CXCL13: variants seen among roughly 807,000 people sequenced by gnomAD.
CXCL13 encodes the protein C-X-C motif chemokine ligand 13.
CXCL13 carries 7 observed loss-of-function variants against 12.2 expected under a neutral mutation model. The observed-to-expected ratio is 0.57, with a 90% CI of 0.33 to 1.07. The LOEUF is 1.07. Ranked by LOEUF, CXCL13 falls within the 50% of genes least tolerant of loss-of-function variation. The pLI, the probability that CXCL13 is intolerant of heterozygous loss-of-function variation, is 0.04. For missense variants in CXCL13, 113 were observed against 127.4 expected, an observed-to-expected ratio of 0.89 and a Z score of 0.55; for synonymous variants, 47 against 42.4, an observed-to-expected ratio of 1.11 and a Z score of -0.42.
At chr4:77,523,388 C>T (rs1724667416) in intron 1 of CXCL13, among the ~76,000 whole-genome samples, 1 of 152,174 alleles carries the variant, frequency 6.6e-6, no homozygotes, top group Non-Finnish European at 1.5e-5. Flanking sequence ...TCGCATATTT[C>T]TTGGAGGCTT....
chr4:77,607,857 A>T, intron 2 of CXCL13, 22 bp downstream of exon 2: 1 of 1,611,078 alleles, frequency 6.2e-7, no homozygotes, highest in Non-Finnish European at 8.5e-7. Context: ...GAGAAAAATA[A>T]ATAAGATTTC....
intron 1 of CXCL13, among the ~76,000 whole-genome samples, chr4:77,534,926 G>A (rs1348958074): frequency 6.6e-6 from 1 of 152,192 alleles, no homozygotes; most frequent in East Asian, 1.9e-4. Context: ...GGAAACAGCA[G>A]TAACTACCTT....
At chr4:77,571,731 G>T (rs1484481331) in intron 1 of CXCL13, among the ~76,000 whole-genome samples, 1 of 151,804 alleles carries the variant, frequency 6.6e-6, no homozygotes, top group Non-Finnish European at 1.5e-5. Context: ...GGAGCCAGCA[G>T]TGGCAACCCG....
intron 1 of CXCL13, among the ~76,000 whole-genome samples, chr4:77,557,360 C>T (rs1353419641): frequency 3.3e-5 from 5 of 152,118 alleles, no homozygotes; most frequent in Non-Finnish European, 7.4e-5. Flanking sequence ...CTGCAGGGGG[C>T]CTGGAACCTG....
intron 1 of CXCL13, among the ~76,000 whole-genome samples, chr4:77,572,739 T>C (rs1286043777): frequency 6.6e-6 from 1 of 151,938 alleles, no homozygotes; most frequent in Non-Finnish European, 1.5e-5. Flanking sequence ...ACTATGTGTA[T>C]ACCAAAGGGA....
intron 1 of CXCL13, among the ~76,000 whole-genome samples, chr4:77,591,873 A>G (rs1329834390): frequency 6.6e-6 from 1 of 152,238 alleles, no homozygotes; most frequent in East Asian, 1.9e-4. Context: ...CAGGACATCT[A>G]GATTTGAGAA....
chr4:77,588,623 C>T (rs564906566), intron 1 of CXCL13, among the ~76,000 whole-genome samples: 3 of 152,322 alleles, frequency 2.0e-5, no homozygotes, highest in East Asian at 1.9e-4. Context: ...TCCACAACTA[C>T]CTACCTAGCT....
chr4:77,582,082 AT>A (rs1421033526), intron 1 of CXCL13, among the ~76,000 whole-genome samples: 5 of 152,162 alleles, frequency 3.3e-5, no homozygotes, highest in Non-Finnish European at 4.4e-5. Context: ...AAAAAACATC[AT>A]TCTATTCTCC....
chr4:77,568,551 A>G (rs1299280629), intron 1 of CXCL13, among the ~76,000 whole-genome samples: 2 of 152,176 alleles, frequency 1.3e-5, no homozygotes, highest in Admixed American at 1.3e-4. Flanking sequence ...CTTTCTTGTG[A>G]GAGGTCCCCC....
In CXCL13 at chr4:77,533,317, TG is replaced by T. The variant is rs2109796161; in HGVS notation, c.-43+21532del. ...AGGTCTACGCCAGACCCTGTTTGCC[TG>T]GGTATCAGCAGCAGAGGCTGCACAA... On this transcript the variant is annotated intron_variant, in intron 1 of 4. Transcript: ENST00000286758. Among the ~76,000 whole-genome samples, 5 of 152,320 alleles carry T rather than the reference TG, an allele frequency of 3.3e-5. No homozygotes were observed. The South Asian group carries it at 1.0e-3, about 32-fold the overall frequency.
chr4:77,594,516 G>T (rs1329724090), intron 1 of CXCL13, among the ~76,000 whole-genome samples: 1 of 151,890 alleles, frequency 6.6e-6, no homozygotes, highest in Non-Finnish European at 1.5e-5. Flanking sequence ...CATCAACATA[G>T]CTCAAAAGCT....
chr4:77,531,880 T>C (rs912739179), intron 1 of CXCL13, among the ~76,000 whole-genome samples: 7 of 152,224 alleles, frequency 4.6e-5, no homozygotes, highest in African/African-American at 1.7e-4. Flanking sequence ...CCTGCCTTTT[T>C]TGTTTTCCAT....
intron 1 of CXCL13, among the ~76,000 whole-genome samples, chr4:77,519,698 T>A (rs1002930992): frequency 3.9e-5 from 6 of 152,370 alleles, no homozygotes; most frequent in Middle Eastern, 3.4e-3. Context: ...TCTTTTGCTG[T>A]GCAGAAGATC....
chr4:77,557,237 A>G (rs1725681243), intron 1 of CXCL13, among the ~76,000 whole-genome samples: 1 of 152,204 alleles, frequency 6.6e-6, no homozygotes, highest in Admixed American at 6.5e-5. Context: ...ACGATGTTTC[A>G]GGTCTCTAAG....
chr4:77,572,151 AG>A (rs1726101654), intron 1 of CXCL13, among the ~76,000 whole-genome samples: 1 of 151,970 alleles, frequency 6.6e-6, no homozygotes, highest in Admixed American at 6.5e-5. Flanking sequence ...CGGACACACC[AG>A]CACTTTGGGA....
At chr4:77,577,696 C>G (rs1017353486) in intron 1 of CXCL13, among the ~76,000 whole-genome samples, 34 of 152,098 alleles carry the variant, frequency 2.2e-4, no homozygotes, top group Admixed American at 2.6e-4. Context: ...GTAGCAAGCA[C>G]CCTGTAATGG....
intron 1 of CXCL13, among the ~76,000 whole-genome samples, chr4:77,578,952 C>T (rs773371297): frequency 3.3e-5 from 5 of 152,204 alleles, no homozygotes; most frequent in Non-Finnish European, 5.9e-5. Context: ...GCAGAAGTGT[C>T]GCATAGCAGT....
chr4:77,532,028 A>G (rs1266174472), intron 1 of CXCL13, among the ~76,000 whole-genome samples: 2 of 152,078 alleles, frequency 1.3e-5, no homozygotes, highest in African/African-American at 4.8e-5. Flanking sequence ...TTTTAATTGG[A>G]GCATTTAGCC....
In CXCL13 at chr4:77,518,485, T is replaced by C. The variant is rs545856744; in HGVS notation, c.-43+6697T>C. ...ATAGTCCCATATTTCTTGGAGGCTT[T>C]GTTCATTTCTTTTTATTCTTTTTTC... On this transcript the variant is annotated intron_variant, in intron 1 of 4. Transcript: ENST00000286758. 9.8e-5 allele frequency among the ~76,000 whole-genome samples: 15 copies of C among 152,310 alleles called. No homozygotes were observed. In the South Asian group the frequency reaches 3.1e-3, roughly 32 times the overall value.
Sources: allele counts gnomAD v4.1 joint callset (sites outside exome capture counted in the v4.1 genomes callset), GRCh38; gene constraint gnomAD v4.1.1; transcripts MANE v1.5; gene names NCBI Gene and HGNC (gene_info 2026-07-23, HGNC 2026-07-21).